FRK: variants seen among roughly 807,000 people sequenced by gnomAD.
FRK encodes the protein fyn related Src family tyrosine kinase.
FRK carries 51 observed loss-of-function variants against 56.4 expected under a neutral mutation model. The observed-to-expected ratio is 0.90, with a 90% CI of 0.72 to 1.14. FRK has a LOEUF of 1.14. Ranked by LOEUF, FRK falls within the 50% of genes most tolerant of loss-of-function variation. The probability of loss-of-function intolerance (pLI) is 0.00; values close to 1 mark genes in which losing one functional copy is unlikely to be tolerated. For missense variants in FRK, 570 were observed against 601.4 expected (o/e 0.95, Z 0.55); for synonymous variants, 245 against 217.9 (o/e 1.12, Z -1.10).
intron 1 of FRK, among the ~76,000 whole-genome samples, chr6:116,014,182 G>A (rs1775567223): frequency 6.6e-6 from 1 of 152,092 alleles, no homozygotes; most frequent in South Asian, 2.1e-4. Flanking sequence ...CATTTTCTAT[G>A]TGCTGAAATA....
chr6:115,987,197 T>A (rs2114652580), intron 2 of FRK, among the ~76,000 whole-genome samples: 1 of 152,202 alleles, frequency 6.6e-6, no homozygotes, highest in East Asian at 1.9e-4. Flanking sequence ...GCAGTTTTCA[T>A]GCATTAACTC....
chr6:115,943,094 CT>C lies in FRK; in HGVS notation c.1231del (p.Ser411AlafsTer27). On this transcript the variant is annotated frameshift_variant, in exon 7 of 8. Coordinates refer to ENST00000606080, the MANE Select transcript of FRK (RefSeq NM_002031.3). LOFTEE classifies it high-confidence loss of function. ...APEAIRSNKF[S>X]IKSDVWSFGI... ...AAATGACCATACATCGGACTTAATG[CT>C]GAATTTATTACTACGAATGGCTTCG... The C allele has an allele frequency of 6.2e-7, 1 of 1,613,412 alleles. No homozygotes were observed. Among genetic ancestry groups the C allele is most frequent in the Non-Finnish European group, 8.5e-7 (1 of 1,179,684 alleles).
rs1772070271 is a variant in FRK at position 115,937,395 on chromosome 6, AG to A, written c.*5018del. ...ACATACCAAATTGTAAAGATCATCG[AG>A]GATACGAAGAACCTGCATCAACTTT... On this transcript the variant is annotated 3_prime_UTR_variant, in exon 8 of 8. Coordinates refer to ENST00000606080, the MANE Select transcript of FRK (RefSeq NM_002031.3). The A allele has an allele frequency of 6.6e-6, 1 of 152,240 alleles. No homozygotes were observed. Among genetic ancestry groups the A allele is most frequent in the African/African-American group, 2.4e-5 (1 of 41,466 alleles). The allele number at this position is 152,240 out of a possible 1,614,324, so 9.4% of individuals were successfully genotyped here.
chr6:116,090,114 G>GA, the FRK span, among the ~76,000 whole-genome samples: 1 of 152,186 alleles, frequency 6.6e-6, no homozygotes, highest in South Asian at 2.1e-4. Flanking sequence ...TTTTATCTGT[G>GA]AATGTTAGTC....
the FRK span, among the ~76,000 whole-genome samples, chr6:116,079,133 T>C: frequency 6.6e-6 from 1 of 152,104 alleles, no homozygotes; most frequent in African/African-American, 2.4e-5. Flanking sequence ...TCTCTAGCGG[T>C]GAAATTGCTG....
chr6:116,042,259 T>G (rs930399128), intron 1 of FRK, among the ~76,000 whole-genome samples: 1 of 152,066 alleles, frequency 6.6e-6, no homozygotes, highest in Non-Finnish European at 1.5e-5. Flanking sequence ...CAGGGGCTTA[T>G]AGATAAAATT....
At chr6:116,092,029 T>C in the FRK span, among the ~76,000 whole-genome samples, 1 of 152,166 alleles carries the variant, frequency 6.6e-6, no homozygotes, top group African/African-American at 2.4e-5. Context: ...ACCTCCATTC[T>C]CCGAGGCTAG....
intron 4 of FRK, among the ~76,000 whole-genome samples, chr6:115,958,905 G>A (rs990614210): frequency 5.5e-4 from 84 of 152,134 alleles, no homozygotes; most frequent in African/African-American, 2.0e-3. Context: ...TATGTTGTGT[G>A]GCTATCAGAT....
chr6:116,076,462 GCTAT>G, the FRK span, among the ~76,000 whole-genome samples: 1 of 151,594 alleles, frequency 6.6e-6, no homozygotes, highest in Non-Finnish European at 1.5e-5. Context: ...TTAGATTTTT[GCTAT>G]CTTTTTATAA....
chr6:116,026,661 A>G (rs1776106021), intron 1 of FRK, among the ~76,000 whole-genome samples: 1 of 151,898 alleles, frequency 6.6e-6, no homozygotes, highest in Non-Finnish European at 1.5e-5. Context: ...AGGGATGTGG[A>G]TAAGATGTCT....
At chr6:116,024,414 C>G (rs994352148) in intron 1 of FRK, among the ~76,000 whole-genome samples, 3 of 150,310 alleles carry the variant, frequency 2.0e-5, no homozygotes, top group Admixed American at 6.6e-5. Flanking sequence ...ATCCCTCCCC[C>G]CTCCCCACAC....
chr6:116,077,996 C>T, the FRK span, among the ~76,000 whole-genome samples: 1 of 152,156 alleles, frequency 6.6e-6, no homozygotes, highest in Non-Finnish European at 1.5e-5. Flanking sequence ...CCCATCTCTA[C>T]TAAAAACACA....
At chr6:116,029,057 G>T (rs1287859865) in intron 1 of FRK, among the ~76,000 whole-genome samples, 1 of 151,896 alleles carries the variant, frequency 6.6e-6, no homozygotes, top group African/African-American at 2.4e-5. Flanking sequence ...ATGTTCCTGG[G>T]CACAGTTAGC....
chr6:115,976,368 G>T (rs574051410), intron 2 of FRK, among the ~76,000 whole-genome samples: 1 of 152,046 alleles, frequency 6.6e-6, no homozygotes, highest in African/African-American at 2.4e-5. Flanking sequence ...TCCAAAATTA[G>T]ATTTTTAAAA....
At chr6:115,996,331 T>C (rs1232868744) in intron 2 of FRK, among the ~76,000 whole-genome samples, 1 of 152,164 alleles carries the variant, frequency 6.6e-6, no homozygotes, top group Non-Finnish European at 1.5e-5. Context: ...ATTTTGTGAT[T>C]GGACTGAGTC....
intron 1 of FRK, among the ~76,000 whole-genome samples, chr6:116,026,704 A>G (rs983483135): frequency 6.6e-5 from 10 of 152,070 alleles, no homozygotes; most frequent in African/African-American, 2.4e-4. Context: ...GATCCAAGTT[A>G]GAGAGAGCTG....
chr6:115,990,775 T>G (rs1774570155), intron 2 of FRK, among the ~76,000 whole-genome samples: 1 of 151,984 alleles, frequency 6.6e-6, no homozygotes. Flanking sequence ...TGGTGCCATG[T>G]GAATTTTAGA....
chr6:115,954,798 C>A (rs1381530575), intron 5 of FRK, among the ~76,000 whole-genome samples: 1 of 152,200 alleles, frequency 6.6e-6, no homozygotes, highest in African/African-American at 2.4e-5. Context: ...AACAGAATTA[C>A]TTCTGTCACT....
At chr6:116,075,911 C>A in the FRK span, among the ~76,000 whole-genome samples, 3 of 152,060 alleles carry the variant, frequency 2.0e-5, no homozygotes, top group Non-Finnish European at 4.4e-5. Flanking sequence ...CTGTAGAACA[C>A]AAAAATTTAA....
Sources: gnomAD v4.1 joint callset for allele counts (sites outside exome capture counted in the v4.1 genomes callset) on GRCh38, gnomAD v4.1.1 for gene constraint, MANE v1.5 for transcripts, NCBI Gene and HGNC (gene_info 2026-07-23, HGNC 2026-07-21) for gene names.